The following FSIP2 variants were observed in gnomAD, a reference collection of about 807,000 sequenced individuals.
FSIP2 encodes fibrous sheath interacting protein 2.
A neutral mutation model predicts 510.5 loss-of-function variants in FSIP2; 367 were observed. That is an observed-to-expected ratio of 0.72 (90% CI 0.66 to 0.78). FSIP2 has a LOEUF of 0.78. Among genes scored for constraint, FSIP2 ranks in the 30% least tolerant of loss-of-function variants. FSIP2 has a pLI of 0.00. For synonymous variants in FSIP2, 2,601 were observed against 2,732.2 expected, an observed-to-expected ratio of 0.95 and a Z score of 1.50; for missense variants, 7,594 against 7,901.7, an observed-to-expected ratio of 0.96 and a Z score of 1.48.
At position 185,789,714 on chromosome 2, in the gene FSIP2, C is replaced by T. The variant is rs997418038; in HGVS notation, c.2578C>T (p.Pro860Ser). The change falls in exon 16 of 23, where the codon CCA becomes TCA. Residue 860 changes from proline (P) to serine (S), a missense_variant. By Grantham distance (74) the Pro-to-Ser change is moderately conservative. Coordinates refer to ENST00000424728, the MANE Select transcript of FSIP2 (RefSeq NM_173651.4). ...TTCCTGCCAGCAACATAAGACAGAC[C>T]CAATATGTATGTTCCTTCAAAGAGC... ...KLSCQQHKTD[P>S]ICMFLQRAGK... is the part of the protein sequence containing the mutation. The T allele has an allele frequency of 6.5e-6, 10 of 1,533,984 alleles. No homozygotes were observed. The African/African-American group carries it at 1.2e-4, about 19-fold the overall frequency.
chr2:185,747,234 T>C (rs192523227), intron 6 of FSIP2, 79 bp from the exon 7 acceptor site: 2 of 784,772 alleles, frequency 2.5e-6, no homozygotes, highest in East Asian at 2.7e-5. Flanking sequence ...TTGTTTAATA[T>C]ACTTTTTGGT....
chr2:185,761,840 AACAGTTTTTATGAGTT>A lies in FSIP2; in HGVS notation c.1195-129_1195-114del. On this transcript the variant is annotated intron_variant, in intron 10 of 22. Transcript: ENST00000424728. Reference sequence around the variant, plus strand: ...AGGTTGATGATATGTATTTTACCTAAACAGTTTTTATGAGTTACTGGTTAAAAGAGGGAAAACATCT... The same window carrying A: ...AGGTTGATGATATGTATTTTACCTAAACTGGTTAAAAGAGGGAAAACATCT... 6.0e-6 allele frequency: 3 copies of A among 496,034 alleles called. No homozygotes were observed. The East Asian group carries it at 9.2e-5, about 15-fold the overall frequency. 30.7% of individuals were successfully genotyped at this position (496,034 alleles called of 1,614,324 possible).
chr2:185,767,249 C>G (rs1692506985), intron 13 of FSIP2, among the ~76,000 whole-genome samples: 1 of 149,204 alleles, frequency 6.7e-6, no homozygotes, highest in Admixed American at 6.7e-5. Context: ...AGCGCACCAG[C>G]ATGGCACATG....
rs747420422 is a variant in FSIP2, at chr2:185,808,451, C to T, written c.19145C>T (p.Ala6382Val). 5.0e-6 allele frequency: 8 copies of T among 1,605,340 alleles called. No homozygotes were observed. In the East Asian group the frequency reaches 1.8e-4, roughly 36 times the overall value. ...NLSKTELNKI[A>V]SQLSKLVTAE... is the part of the protein sequence containing the mutation. The stretch of plus-strand genomic sequence containing the variant: ...TCAAAGACTGAGTTAAATAAAATTG[C>T]ATCTCAACTGTCAAAATTGGTAACA... The change falls in exon 17 of 23, where the codon GCA becomes GTA. Residue 6382 changes from alanine to valine, a missense_variant. By Grantham distance (64) the Ala-to-Val change is moderately conservative. Transcript: ENST00000424728.
rs76311327 is a variant in FSIP2 at position 185,832,672 on chromosome 2, T to A, written c.20588-418T>A. Among the ~76,000 whole-genome samples, 1,092 of 151,932 alleles carry A rather than the reference T, an allele frequency of 7.2e-3. 12 individuals are homozygous for A. Among genetic ancestry groups the A allele is most frequent in the African/African-American group, 0.025 (1,045 of 41,512 alleles). On this transcript the variant is annotated intron_variant, in intron 22 of 22. Coordinates refer to ENST00000424728, the MANE Select transcript of FSIP2 (RefSeq NM_173651.4). ...ATAAGAGGTGCAAAAAAAATGCAAA[T>A]AGGAACTCTTTTATTACCTACACAG... is the stretch of plus-strand genomic sequence containing the variant.
chr2:185,775,929 T>C (rs1692707224), intron 13 of FSIP2, among the ~76,000 whole-genome samples: 1 of 152,156 alleles, frequency 6.6e-6, no homozygotes. Flanking sequence ...TTCTAAAGTG[T>C]TGGGATTACA....
Position 185,804,892 on chromosome 2 carries a change from A to C in FSIP2, c.15586A>C (p.Asn5196His), listed in dbSNP as rs1693527356. 1.3e-6 allele frequency: 2 copies of C among 1,524,532 alleles called. No individual in the cohort carries two copies. Among genetic ancestry groups the C allele is most frequent in the Non-Finnish European group, 1.8e-6 (2 of 1,142,298 alleles). 94.4% of individuals were successfully genotyped at this position (1,524,532 alleles called of 1,614,324 possible). A position where few individuals can be genotyped will look rare whatever the true frequency, so the allele number is the denominator to read the frequency against. The change falls in exon 17 of 23, where the codon AAT (asparagine) becomes CAT (histidine). Residue 5196 changes from asparagine to histidine, a missense_variant. Coordinates refer to ENST00000424728, the MANE Select transcript of FSIP2 (RefSeq NM_173651.4). ...PIENLVDSIC[N>H]NILKTSEFQA... is the part of the protein sequence containing the mutation. ...TGAAAATTTGGTCGACTCCATATGT[A>C]ATAATATTTTGAAAACATCTGAATT...
intron 19 of FSIP2, 101 bp from the exon 20 acceptor site, chr2:185,824,333 A>C (rs1693976352): frequency 1.3e-6 from 1 of 763,900 alleles, no homozygotes; most frequent in African/African-American, 1.8e-5. Context: ...ATACTATTTC[A>C]GGTTTCTTTC....
chr2:185,750,265 A>C (rs1445850939), intron 7 of FSIP2, among the ~76,000 whole-genome samples: 1 of 151,654 alleles, frequency 6.6e-6, no homozygotes, highest in Non-Finnish European at 1.5e-5. Context: ...GGAATTTATC[A>C]GTGAAGACAT....
intron 13 of FSIP2, among the ~76,000 whole-genome samples, chr2:185,767,716 G>C (rs184976463): frequency 1.5e-4 from 23 of 152,200 alleles, no homozygotes; most frequent in Admixed American, 4.6e-4. Context: ...TAGACAGATA[G>C]ATCTATCTCT....
chr2:185,752,067 A>AT (rs34440618), intron 7 of FSIP2, among the ~76,000 whole-genome samples: 19,494 of 149,012 alleles, frequency 0.13, 1,676 homozygotes, highest in East Asian at 0.37. Context: ...ATCTGCTATC[A>AT]TTTTTTTTTC....
chr2:185,811,588 GA>G (rs1312550240), intron 17 of FSIP2, among the ~76,000 whole-genome samples: 1 of 151,874 alleles, frequency 6.6e-6, no homozygotes, highest in African/African-American at 2.4e-5. Flanking sequence ...CCAGTTCTTA[GA>G]GAAAGTTCCA....
chr2:185,739,547 A>C (rs1187276226), intron 2 of FSIP2, 76 bp downstream of exon 2: 2 of 1,264,814 alleles, frequency 1.6e-6, no homozygotes, highest in Non-Finnish European at 1.0e-6. Flanking sequence ...GCATCATACA[A>C]AATTCATTAA....
At position 185,789,797 on chromosome 2, in the gene FSIP2, A is replaced by C; in HGVS notation, c.2661A>C (p.Glu887Asp). The C allele has an allele frequency of 6.5e-7, 1 of 1,533,672 alleles. No individual in the cohort carries two copies. Among genetic ancestry groups the C allele is most frequent in the Non-Finnish European group, 8.7e-7 (1 of 1,145,336 alleles). The change falls in exon 16 of 23, where the codon GAA (glutamate) becomes GAC (aspartate). Residue 887 changes from glutamate to aspartate, a missense_variant. Glu to Asp is a conservative substitution (Grantham distance 45). Transcript: ENST00000424728. ...SDEASLIVNEEVQNLISNIFS... is the reference protein window; with the variant it reads ...SDEASLIVNEDVQNLISNIFS... ...AAGCTAGTTTAATTGTCAATGAAGAAGTACAAAATTTAATATCAAATATTT... is the reference window on the plus strand; with the variant it reads ...AAGCTAGTTTAATTGTCAATGAAGACGTACAAAATTTAATATCAAATATTT...
At chr2:185,810,400 T>C (rs1173771032) in intron 17 of FSIP2, among the ~76,000 whole-genome samples, 1 of 152,036 alleles carries the variant, frequency 6.6e-6, no homozygotes, top group Admixed American at 6.6e-5. Context: ...CACATTATTT[T>C]TCTCCTGCCT....
Position 185,792,088 on chromosome 2 carries a change from T to C in FSIP2, c.4952T>C (p.Leu1651Ser), listed in dbSNP as rs1317185890. 3 of 1,534,080 alleles carry C rather than the reference T, an allele frequency of 2.0e-6. No homozygotes were observed. The highest frequency in any genetic ancestry group is 8.7e-7 in the Non-Finnish European group (1 of 1,145,438). ...GCAAAGAAGGTATCAAGTGCTATTTTGAAGGTTATTCAAACAGAATTAAAT... is the reference window on the plus strand; with the variant it reads ...GCAAAGAAGGTATCAAGTGCTATTTCGAAGGTTATTCAAACAGAATTAAAT... Reference protein sequence around the residue: ...MHAKKVSSAILKVIQTELNVT... With the variant: ...MHAKKVSSAISKVIQTELNVT... The change falls in exon 16 of 23, where the codon TTG (leucine) becomes TCG (serine). Residue 1651 changes from leucine to serine, a missense_variant. Physicochemically the swap from Leu to Ser is moderately radical, Grantham distance 145. Coordinates refer to ENST00000424728, the MANE Select transcript of FSIP2 (RefSeq NM_173651.4).
At position 185,802,237 on chromosome 2, in the gene FSIP2, G is replaced by A; in HGVS notation, c.12931G>A (p.Glu4311Lys). The change falls in exon 17 of 23, where the codon GAG (glutamate) becomes AAG (lysine). Residue 4311 changes from glutamate to lysine, a missense_variant. Physicochemically the swap from Glu to Lys is moderately conservative, Grantham distance 56. Transcript: ENST00000424728. ...LDIHLDSFVR[E>K]IVARLLSKIF... is the part of the protein sequence containing the mutation. ...TATTCACCTTGATTCATTTGTAAGGGAGATTGTTGCCAGACTTTTGTCAAA... is the reference window on the plus strand; with the variant it reads ...TATTCACCTTGATTCATTTGTAAGGAAGATTGTTGCCAGACTTTTGTCAAA... 6.5e-7 allele frequency: 1 copy of A among 1,533,766 alleles called. No homozygotes were observed. The highest frequency in any genetic ancestry group is 1.4e-5 in the African/African-American group (1 of 72,946).
At chr2:185,752,687 T>A (rs1333463356) in intron 7 of FSIP2, among the ~76,000 whole-genome samples, 1 of 151,234 alleles carries the variant, frequency 6.6e-6, no homozygotes, top group African/African-American at 2.4e-5. Context: ...ATGTCTCCCA[T>A]ATCTCTTCTT....
intron 13 of FSIP2, among the ~76,000 whole-genome samples, chr2:185,767,734 T>C (rs530837530): frequency 7.9e-5 from 12 of 152,302 alleles, no homozygotes; most frequent in East Asian, 5.8e-4. Context: ...TCTTGGTATA[T>C]ATCAGATTTT....
Sources: allele counts gnomAD v4.1 joint callset (sites outside exome capture counted in the v4.1 genomes callset), GRCh38; gene constraint gnomAD v4.1.1; transcripts MANE v1.5; gene names NCBI Gene and HGNC (gene_info 2026-07-23, HGNC 2026-07-21).